Variants in FER1L5 observed in about 807,000 individuals in gnomAD.
FER1L5 encodes the protein fer-1 like family member 5, also known as fer-1-like protein 5.
A neutral mutation model predicts 279.9 loss-of-function variants in FER1L5; 187 were observed. The observed-to-expected ratio is 0.67, with a 90% CI of 0.59 to 0.75. FER1L5 has a LOEUF of 0.75. Ranked by LOEUF, FER1L5 falls within the 30% of genes least tolerant of loss-of-function variation. The pLI is 0.00. For missense variants in FER1L5, 2,091 were observed against 2,594.4 expected, an observed-to-expected ratio of 0.81 and a Z score of 4.21; for synonymous variants, 921 against 989.7, an observed-to-expected ratio of 0.93 and a Z score of 1.30.
Position 96,699,452 on chromosome 2 carries a change from GAACA to G in FER1L5, c.4611-92_4611-89del. On this transcript the variant is annotated intron_variant, in intron 42 of 52. Coordinates refer to ENST00000624922, the MANE Select transcript of FER1L5 (RefSeq NM_001293083.2). ...ATGCTCTGCTCTCCACAATCTCCAT[GAACA>G]AACAAGGGGCCTACGGGGCCGAGAC... 3 of 1,357,188 alleles carry G rather than the reference GAACA, an allele frequency of 2.2e-6. 1 individual carries two copies. Among genetic ancestry groups the G allele is most frequent in the Admixed American group, 4.1e-5 (2 of 48,720 alleles). 84.1% of individuals were successfully genotyped at this position (1,357,188 alleles called of 1,614,324 possible).
Position 96,689,827 on chromosome 2 carries a change from T to TG in FER1L5, c.2640+74dup. The TG allele has an allele frequency of 2.2e-6, 3 of 1,342,622 alleles. No homozygotes were observed. Among genetic ancestry groups the TG allele is most frequent in the Non-Finnish European group, 3.0e-6 (3 of 989,546 alleles). 83.2% of individuals were successfully genotyped at this position (1,342,622 alleles called of 1,614,324 possible). On this transcript the variant is annotated intron_variant, in intron 26 of 52. Transcript: ENST00000624922. This position sits in a 1 kb window ranked among gnomAD's most constrained non-coding sequence, Gnocchi z 4.6. ...CCACCAGGCGGGGCGCCTTGGAAGC[T>TG]GGGGGTCCCAGTGGAAAGGGTCTGA...
chr2:96,677,291 C>A (rs1266202522), intron 19 of FER1L5, among the ~76,000 whole-genome samples: 1 of 152,200 alleles, frequency 6.6e-6, no homozygotes, highest in African/African-American at 2.4e-5. Context: ...AGTGACTCCC[C>A]TGTCCCCACC....
Position 96,681,772 on chromosome 2 carries a change from TTTTATTTATTTATTTA to T in FER1L5, c.1670-2535_1670-2520del, listed in dbSNP as rs140007368. On this transcript the variant is annotated intron_variant, in intron 19 of 52. Transcript: ENST00000624922. ...CTACTGAGAGATTTTTGAGAGATTATTTTATTTATTTATTTATTTATTTATTTATTTATTTGAGAAG... is the reference window on the plus strand; with the variant it reads ...CTACTGAGAGATTTTTGAGAGATTATTTTATTTATTTATTTATTTGAGAAG... Among the ~76,000 whole-genome samples, 8 of 147,424 alleles carry T rather than the reference TTTTATTTATTTATTTA, an allele frequency of 5.4e-5. 1 individual carries two copies. The highest frequency in any genetic ancestry group is 2.1e-4 in the South Asian group (1 of 4,672).
intron 6 of FER1L5, among the ~76,000 whole-genome samples, chr2:96,650,835 A>T (rs1425202241): frequency 6.6e-6 from 1 of 150,980 alleles, no homozygotes; most frequent in Non-Finnish European, 1.5e-5. Context: ...CTCCTGGACC[A>T]CTCCTCTTCC....
Position 96,695,893 on chromosome 2 carries a change from CAA to C in FER1L5, c.4048_4049del (p.Lys1350AlafsTer6). The C allele has an allele frequency of 6.2e-7, 1 of 1,613,536 alleles. No homozygotes were observed. The highest frequency in any genetic ancestry group is 8.5e-7 in the Non-Finnish European group (1 of 1,179,796). ...CCCTGGGCTCAAGACTATATGCACC[CAA>C]AGCTTCCAAGTACGGCCCTTCCTCC... On this transcript the variant is annotated frameshift_variant, in exon 36 of 53. Transcript: ENST00000624922. LOFTEE classifies it high-confidence loss of function.
At chr2:96,647,972 C>T (rs899576230) in intron 4 of FER1L5, 86 bp downstream of exon 4, 1 of 1,105,156 alleles carries the variant, frequency 9.0e-7, no homozygotes, top group Middle Eastern at 2.4e-4. Flanking sequence ...AGAGTGCTTC[C>T]TGCTTGGGGG....
intron 32 of FER1L5, 27 bp downstream of exon 32, chr2:96,693,714 G>T (rs969921381): frequency 2.2e-5 from 34 of 1,544,208 alleles, no homozygotes; most frequent in Non-Finnish European, 3.0e-5. Flanking sequence ...AGAGCAAGGG[G>T]AAGAGGACCT....
Position 96,647,089 on chromosome 2 carries a change from G to A in FER1L5, c.164G>A (p.Arg55His), listed in dbSNP as rs1415468038. 1.4e-5 allele frequency: 21 copies of A among 1,551,420 alleles called. No homozygotes were observed. Among genetic ancestry groups the A allele is most frequent in the Admixed American group, 3.9e-5 (2 of 50,968 alleles). Residue 55 changes from arginine (R) to histidine (H), a missense_variant, in exon 3 of 53, where the codon CGC becomes CAC. Physicochemically the swap from Arg to His is conservative, Grantham distance 29. Transcript: ENST00000624922. ...ACCCTAATCTGGCACCTCTGGAACC[G>A]CCCCCTGGAAAATGACTCCTTCCTG... ...NETLIWHLWN[R>H]PLENDSFLQV...
intron 17 of FER1L5, 22 bp downstream of exon 17, chr2:96,669,159 T>G: frequency 1.9e-6 from 3 of 1,547,288 alleles, no homozygotes; most frequent in South Asian, 1.2e-5. Context: ...ACATCAGCTC[T>G]AGGGTACAGT....
chr2:96,662,566 G>A (rs1573832420), intron 13 of FER1L5, among the ~76,000 whole-genome samples: 1 of 152,202 alleles, frequency 6.6e-6, no homozygotes, highest in Non-Finnish European at 1.5e-5. Context: ...TGTAAACGAA[G>A]GTTCTGGGCA....
At chr2:96,656,085 TCA>T (rs1186575452) in intron 9 of FER1L5, among the ~76,000 whole-genome samples, 1 of 152,126 alleles carries the variant, frequency 6.6e-6, no homozygotes, top group Non-Finnish European at 1.5e-5. Context: ...CTTCATCAAT[TCA>T]CAGTCAATTG....
chr2:96,697,470 A>C, intron 37 of FER1L5, 56 bp from the exon 38 acceptor site: 1 of 1,586,012 alleles, frequency 6.3e-7, no homozygotes, highest in South Asian at 1.1e-5. Context: ...TCCTCTCTGA[A>C]GTCAGAGCCC....
Position 96,684,349 on chromosome 2 carries a change from C to T in FER1L5, c.1692C>T (p.Pro564=), listed in dbSNP as rs1226967663. 2 of 1,551,644 alleles carry T rather than the reference C, an allele frequency of 1.3e-6. No homozygotes were observed. Among genetic ancestry groups the T allele is most frequent in the Admixed American group, 3.9e-5 (2 of 51,004 alleles). The change falls in exon 20 of 53, where the codon CCC becomes CCT. Residue 564 remains proline, a synonymous_variant. Coordinates refer to ENST00000624922, the MANE Select transcript of FER1L5 (RefSeq NM_001293083.2). ...CAGGGAACATCTACCATTATGTGCC[C>T]TGGTACAACACCAAGCCTGTCGTGG... The part of the protein sequence containing the change: ...IYDGNIYHYV[P]WYNTKPVVAV...
In FER1L5 at chr2:96,699,583, G is replaced by A. The variant is rs2077516012; in HGVS notation, c.4644G>A (p.Glu1548=). 6.2e-7 allele frequency: 1 copy of A among 1,613,966 alleles called. No individual in the cohort carries two copies. The highest frequency in any genetic ancestry group is 1.3e-5 in the African/African-American group (1 of 75,050). The change falls in exon 43 of 53, where the codon GAG becomes GAA. Residue 1548 remains glutamate, a synonymous_variant. Coordinates refer to ENST00000624922, the MANE Select transcript of FER1L5 (RefSeq NM_001293083.2). ...MFELTCNIPL[E]KDLEIQLYDF... ...AACTCACCTGCAACATACCCCTGGA[G>A]AAGGACCTAGAGATCCAGCTCTATG...
chr2:96,644,174 C>CA (rs533711497), intron 1 of FER1L5, among the ~76,000 whole-genome samples: 34,644 of 87,770 alleles, frequency 0.39, 5,260 homozygotes, highest in Middle Eastern at 0.47. Context: ...GAGGTGCCTT[C>CA]AAAAAAAAAA....
chr2:96,659,393 CTT>C (rs2075802681), intron 9 of FER1L5, among the ~76,000 whole-genome samples: 1 of 8,228 alleles, frequency 1.2e-4, no homozygotes, highest in Non-Finnish European at 1.9e-4. Context: ...TTCTTTCTTT[CTT>C]TCTTTCTTTC....
In FER1L5 at chr2:96,685,894, G is replaced by C. The variant is rs111651818; in HGVS notation, c.1896-46G>C. 4.7e-3 allele frequency: 6,883 copies of C among 1,471,952 alleles called. 297 individuals are homozygous for C. In the African/African-American group the frequency reaches 0.086, roughly 18 times the overall value. 91.2% of individuals were successfully genotyped at this position (1,471,952 alleles called of 1,614,324 possible). A position where few individuals can be genotyped will look rare whatever the true frequency, so the allele number is the denominator to read the frequency against. ...GGCAGGGCAGGAATGGTGACACTGG[G>C]AGGCAGTAGAGAGGTCCAGCCCCTG... On this transcript the variant is annotated intron_variant, in intron 21 of 52. Transcript: ENST00000624922.
intron 31 of FER1L5, 92 bp downstream of exon 31, chr2:96,692,273 T>C: frequency 7.2e-7 from 1 of 1,384,788 alleles, no homozygotes; most frequent in East Asian, 2.5e-5. Context: ...GCAGCCCTGC[T>C]TGCAGTCCCA....
chr2:96,701,589 A>G (rs2077587938), intron 45 of FER1L5, among the ~76,000 whole-genome samples: 1 of 152,044 alleles, frequency 6.6e-6, no homozygotes, highest in South Asian at 2.1e-4. Context: ...GAGGCTATCA[A>G]GCAACACCAA....
Sources: allele counts gnomAD v4.1 joint callset (sites outside exome capture counted in the v4.1 genomes callset), GRCh38; gene constraint gnomAD v4.1.1; non-coding constraint Gnocchi (gnomAD v3.1); transcripts MANE v1.5; gene names NCBI Gene and HGNC (gene_info 2026-07-23, HGNC 2026-07-21).